Variants in OXR1 observed in about 807,000 individuals in gnomAD.
OXR1 encodes oxidation resistance protein 1.
Under a neutral mutation model 104.6 loss-of-function variants are expected in OXR1, and 41 were observed. The ratio of observed to expected loss-of-function variants is 0.39; its 90% CI spans 0.31 to 0.51. The LOEUF (loss-of-function observed/expected upper bound fraction) is 0.51, where lower values mean the gene tolerates loss of function less well. Among genes scored for constraint, OXR1 ranks in the 20% least tolerant of loss-of-function variants. OXR1 has a pLI of 0.77. For missense variants in OXR1, 955 were observed against 1,031.9 expected (o/e 0.93, Z 1.02); for synonymous variants, 348 against 348.4 (o/e 1.00, Z 0.01).
At chr8:106,384,731 CTTTTTTT>C (rs66711083) in intron 2 of OXR1, among the ~76,000 whole-genome samples, 4 of 142,170 alleles carry the variant, frequency 2.8e-5, no homozygotes, top group African/African-American at 1.0e-4. Flanking sequence ...TTTCTTTTTT[CTTTTTTT>C]TTTTTTTAAG....
chr8:106,321,881 C>T (rs9283944), intron 1 of OXR1, among the ~76,000 whole-genome samples: 51,656 of 152,058 alleles, frequency 0.34, 11,316 homozygotes, highest in African/African-American at 0.63. Context: ...CCCTAGTTTA[C>T]TAGTTGAAAG....
At chr8:106,428,938 C>G (rs1012539186) in intron 2 of OXR1, among the ~76,000 whole-genome samples, 2 of 152,038 alleles carry the variant, frequency 1.3e-5, no homozygotes, top group Admixed American at 6.6e-5. Flanking sequence ...CCCTGGGAAC[C>G]CCCACACCAA....
chr8:106,303,234 A>AT (rs1253984353), intron 1 of OXR1, among the ~76,000 whole-genome samples: 35 of 136,580 alleles, frequency 2.6e-4, no homozygotes, highest in Admixed American at 1.1e-3. Context: ...GAACTTGGCA[A>AT]TTTTTTTTTC....
At chr8:106,322,291 C>G (rs1054282354) in intron 1 of OXR1, among the ~76,000 whole-genome samples, 1 of 152,058 alleles carries the variant, frequency 6.6e-6, no homozygotes, top group Non-Finnish European at 1.5e-5. Flanking sequence ...GAACTAAAAA[C>G]AAAAACCACA....
chr8:106,594,436 A>G (rs895877758), intron 3 of OXR1, among the ~76,000 whole-genome samples: 8 of 152,230 alleles, frequency 5.3e-5, no homozygotes, highest in Non-Finnish European at 1.0e-4. Flanking sequence ...CCTCTTTGTT[A>G]CATGCAAGAC....
intron 7 of OXR1, among the ~76,000 whole-genome samples, chr8:106,694,773 A>ATTTATAT (rs57800709): frequency 7.2e-5 from 7 of 97,254 alleles, no homozygotes; most frequent in South Asian, 6.7e-4. Flanking sequence ...TTTAATAGAT[A>ATTTATAT]AATACATATA....
chr8:106,548,976 A>G (rs976985784), intron 3 of OXR1, among the ~76,000 whole-genome samples: 11 of 152,186 alleles, frequency 7.2e-5, no homozygotes, highest in Non-Finnish European at 1.5e-5. Flanking sequence ...CAACACAAAA[A>G]TAACTTCCGC....
At chr8:106,657,332 G>A (rs1825188199) in intron 3 of OXR1, among the ~76,000 whole-genome samples, 1 of 150,492 alleles carries the variant, frequency 6.6e-6, no homozygotes, top group Admixed American at 6.6e-5. Flanking sequence ...AAAAAAAAAA[G>A]GAAATACAAG....
chr8:106,504,550 AT>A (rs1812028435), intron 2 of OXR1, among the ~76,000 whole-genome samples: 1 of 152,204 alleles, frequency 6.6e-6, no homozygotes, highest in African/African-American at 2.4e-5. Context: ...ATTGTTTATC[AT>A]TTACTTAATG....
At chr8:106,737,941 T>C (rs533100028) in intron 12 of OXR1, among the ~76,000 whole-genome samples, 11 of 152,150 alleles carry the variant, frequency 7.2e-5, no homozygotes, top group Non-Finnish European at 1.3e-4. Context: ...CTGAAAGATA[T>C]GGTACTATAG....
intron 3 of OXR1, among the ~76,000 whole-genome samples, chr8:106,667,229 C>T (rs945426389): frequency 6.6e-6 from 1 of 152,132 alleles, no homozygotes; most frequent in Non-Finnish European, 1.5e-5. Context: ...TTAAGATCTC[C>T]ACTTACAGTT....
At chr8:106,436,344 T>C (rs1819566546) in intron 2 of OXR1, among the ~76,000 whole-genome samples, 1 of 152,104 alleles carries the variant, frequency 6.6e-6, no homozygotes, top group African/African-American at 2.4e-5. Flanking sequence ...GTAATTAGCA[T>C]ATCCAGGTTT....
intron 1 of OXR1, among the ~76,000 whole-genome samples, chr8:106,331,997 A>AGTGTGTGTGTGTGT (rs3073756): frequency 3.4e-4 from 47 of 138,168 alleles, no homozygotes; most frequent in Admixed American, 1.5e-3. Flanking sequence ...GAAAGAACAT[A>AGTGTGTGTGTGTGT]GTGTGTGTGT....
chr8:106,685,908 A>G (rs1342036847), intron 6 of OXR1, among the ~76,000 whole-genome samples: 2 of 148,720 alleles, frequency 1.3e-5, no homozygotes, highest in East Asian at 3.9e-4. Flanking sequence ...GGATAAGGAA[A>G]ATGTGGTATA....
intron 2 of OXR1, among the ~76,000 whole-genome samples, chr8:106,465,865 G>A (rs1237158215): frequency 6.6e-6 from 1 of 151,908 alleles, no homozygotes; most frequent in African/African-American, 2.4e-5. Context: ...AGAGAATTCT[G>A]AGATTGGTTT....
At chr8:106,602,835 C>T (rs1350171534) in intron 3 of OXR1, among the ~76,000 whole-genome samples, 2 of 151,974 alleles carry the variant, frequency 1.3e-5, no homozygotes, top group African/African-American at 4.8e-5. Context: ...TGTGCAGTCC[C>T]TTATTCCTCT....
At chr8:106,709,350 AT>A (rs1442070160) in intron 9 of OXR1, among the ~76,000 whole-genome samples, 1 of 152,030 alleles carries the variant, frequency 6.6e-6, no homozygotes, top group East Asian at 1.9e-4. Flanking sequence ...TTATTTAACC[AT>A]TTGCTTATTA....
chr8:106,544,845 A>T (rs1375668758), intron 3 of OXR1, among the ~76,000 whole-genome samples: 2 of 151,774 alleles, frequency 1.3e-5, no homozygotes, highest in Non-Finnish European at 2.9e-5. Context: ...TGGCCAGCAC[A>T]CTTACATAGA....
At chr8:106,279,643 AATC>A (rs1373045444) in intron 1 of OXR1, among the ~76,000 whole-genome samples, 1 of 152,220 alleles carries the variant, frequency 6.6e-6, no homozygotes, top group African/African-American at 2.4e-5. Context: ...GCTCTGAACT[AATC>A]ATTTAGATTA....
Sources: gnomAD v4.1 joint callset for allele counts (sites outside exome capture counted in the v4.1 genomes callset) on GRCh38, gnomAD v4.1.1 for gene constraint, MANE v1.5 for transcripts, NCBI Gene and HGNC (gene_info 2026-07-23, HGNC 2026-07-21) for gene names.